The following CSMD1 variants were observed in gnomAD, a reference collection of about 807,000 sequenced individuals.
CSMD1 encodes CUB and sushi domain-containing protein 1.
A neutral mutation model predicts 417.5 loss-of-function variants in CSMD1; 213 were observed. The observed-to-expected ratio is 0.51, with a 90% confidence interval of 0.46 to 0.57. CSMD1 has a LOEUF of 0.57. Ranked by LOEUF, CSMD1 falls within the 20% of genes least tolerant of loss-of-function variation. CSMD1 has a pLI of 0.00. For missense variants in CSMD1, 6,923 were observed against 4,529.7 expected, an observed-to-expected ratio of 1.53 and a Z score of -15.17; for synonymous variants, 2,862 against 1,736.8, an observed-to-expected ratio of 1.65 and a Z score of -16.11.
intron 26 of CSMD1, among the ~76,000 whole-genome samples, chr8:3,265,378 T>C (rs573992498): frequency 1.3e-5 from 2 of 152,302 alleles, no homozygotes; most frequent in East Asian, 3.9e-4. Context: ...ATAAAGATAA[T>C]TTCTATGAAT....
At chr8:2,954,444 G>A (rs1216471043) in intron 64 of CSMD1, among the ~76,000 whole-genome samples, 176 bp from the exon 65 acceptor site, 1 of 152,064 alleles carries the variant, frequency 6.6e-6, no homozygotes, top group African/African-American at 2.4e-5. Flanking sequence ...TATTCTTGGT[G>A]TTTGTGGGAA....
intron 26 of CSMD1, among the ~76,000 whole-genome samples, chr8:3,246,383 T>C (rs1799880884): frequency 6.6e-6 from 1 of 152,230 alleles, no homozygotes; most frequent in African/African-American, 2.4e-5. Context: ...TGCCAGTTTC[T>C]CCTCCAGGAA....
intron 1 of CSMD1, among the ~76,000 whole-genome samples, chr8:4,920,065 G>A (rs1806335182): frequency 6.6e-6 from 1 of 152,090 alleles, no homozygotes; most frequent in African/African-American, 2.4e-5. Flanking sequence ...GACAGTAGAG[G>A]AAAATAAAAT....
chr8:3,147,079 T>C (rs1028418103), intron 40 of CSMD1, among the ~76,000 whole-genome samples: 1 of 152,168 alleles, frequency 6.6e-6, no homozygotes, highest in Non-Finnish European at 1.5e-5. Context: ...CAACGCTTAC[T>C]GGTAGGACAG....
At chr8:3,223,130 CTAA>C (rs752080734) in intron 28 of CSMD1, among the ~76,000 whole-genome samples, 79 of 152,258 alleles carry the variant, frequency 5.2e-4, no homozygotes, top group Admixed American at 1.2e-3. Context: ...ATACCATATA[CTAA>C]TAATATAATT....
chr8:4,132,607 A>C (rs1361767890), intron 3 of CSMD1, among the ~76,000 whole-genome samples: 2 of 152,180 alleles, frequency 1.3e-5, no homozygotes, highest in African/African-American at 4.8e-5. Context: ...AATTCATTCC[A>C]GCACAGTGTT....
chr8:4,125,512 C>T (rs941844979), intron 3 of CSMD1, among the ~76,000 whole-genome samples: 10 of 152,186 alleles, frequency 6.6e-5, no homozygotes, highest in African/African-American at 2.4e-4. Context: ...GTCGGCCGGA[C>T]CTCCTGAGAC....
chr8:4,780,407 A>G (rs1213896675), intron 1 of CSMD1, among the ~76,000 whole-genome samples: 1 of 150,486 alleles, frequency 6.6e-6, no homozygotes, highest in Non-Finnish European at 1.5e-5. Flanking sequence ...ATTCTGATTG[A>G]TCAGTCGATC....
chr8:4,460,752 C>A (rs938491843), intron 2 of CSMD1, among the ~76,000 whole-genome samples: 1 of 152,006 alleles, frequency 6.6e-6, no homozygotes, highest in Non-Finnish European at 1.5e-5. Context: ...CAAACAACAT[C>A]AGAATAGACC....
At chr8:4,110,610 C>G (rs543034947) in intron 3 of CSMD1, among the ~76,000 whole-genome samples, 1 of 146,242 alleles carries the variant, frequency 6.8e-6, no homozygotes, top group Admixed American at 7.0e-5. Flanking sequence ...TTTGTACTTT[C>G]TCCCTAATAT....
rs149491148 is a variant in CSMD1, at chr8:4,782,164, T to G, written c.86-144606A>C. On this transcript the variant is annotated intron_variant, in intron 1 of 69. Coordinates refer to ENST00000635120, the MANE Select transcript of CSMD1 (RefSeq NM_033225.6). The stretch of plus-strand genomic sequence containing the variant: ...TTGCTCAATGGGTACAAAGTTACAG[T>G]TAGGAAGAAAGAGTTCTGCTGTTCT... Among the ~76,000 whole-genome samples, 932 of 152,222 alleles carry G rather than the reference T, an allele frequency of 6.1e-3. 11 individuals are homozygous for G. Among genetic ancestry groups the G allele is most frequent in the African/African-American group, 0.021 (861 of 41,534 alleles).
chr8:4,327,229 T>C (rs1312986924), intron 3 of CSMD1, among the ~76,000 whole-genome samples: 1 of 152,216 alleles, frequency 6.6e-6, no homozygotes, highest in Non-Finnish European at 1.5e-5. Flanking sequence ...TATAGCTTAG[T>C]TTTCATTAGT....
At chr8:3,341,991 T>G (rs1807687718) in intron 23 of CSMD1, among the ~76,000 whole-genome samples, 1 of 152,214 alleles carries the variant, frequency 6.6e-6, no homozygotes, top group Non-Finnish European at 1.5e-5. Context: ...TTGAGACATT[T>G]CTGAGAGGGA....
intron 2 of CSMD1, among the ~76,000 whole-genome samples, chr8:4,552,944 C>A (rs1797936062): frequency 6.6e-6 from 1 of 152,180 alleles, no homozygotes; most frequent in African/African-American, 2.4e-5. Context: ...CCAGGCCTTC[C>A]CTCCCGTCTC....
chr8:3,486,931 C>A (rs1014112695), intron 11 of CSMD1, among the ~76,000 whole-genome samples: 1 of 152,160 alleles, frequency 6.6e-6, no homozygotes, highest in African/African-American at 2.4e-5. Flanking sequence ...CTGTCCAGTA[C>A]TAATGACGAA....
At chr8:2,992,819 C>T (rs747470635) in intron 54 of CSMD1, among the ~76,000 whole-genome samples, 1 of 152,064 alleles carries the variant, frequency 6.6e-6, no homozygotes, top group African/African-American at 2.4e-5. Flanking sequence ...CTCACTGTAG[C>T]CTTGACCTCC....
chr8:4,258,748 A>G (rs971876001), intron 3 of CSMD1, among the ~76,000 whole-genome samples: 4 of 152,056 alleles, frequency 2.6e-5, no homozygotes, highest in African/African-American at 9.7e-5. Flanking sequence ...GAGGACACAG[A>G]CATTTAGTCC....
At chr8:3,081,401 G>C (rs113778165) in intron 49 of CSMD1, among the ~76,000 whole-genome samples, 1 of 152,102 alleles carries the variant, frequency 6.6e-6, no homozygotes, top group African/African-American at 2.4e-5. Context: ...TATTAAAATA[G>C]ATCAATATAG....
intron 3 of CSMD1, among the ~76,000 whole-genome samples, chr8:4,270,795 T>A (rs1016648558): frequency 6.6e-6 from 1 of 152,100 alleles, no homozygotes; most frequent in African/African-American, 2.4e-5. Flanking sequence ...GTGGCTTCCT[T>A]CCTCCTAGAA....
Sources: allele counts gnomAD v4.1 joint callset (sites outside exome capture counted in the v4.1 genomes callset), GRCh38; gene constraint gnomAD v4.1.1; transcripts MANE v1.5; gene names NCBI Gene and HGNC (gene_info 2026-07-23, HGNC 2026-07-21).